The following PTPN12 variants were observed in gnomAD, a reference collection of about 807,000 sequenced individuals.
PTPN12 encodes the protein tyrosine-protein phosphatase non-receptor type 12.
PTPN12 carries 29 observed loss-of-function variants against 97.6 expected under a neutral mutation model. The observed-to-expected ratio is 0.30, with a 90% CI of 0.22 to 0.41. The LOEUF is 0.41. Ranked by LOEUF, PTPN12 falls within the 10% of genes least tolerant of loss-of-function variation. PTPN12 has a pLI of 1.00. For synonymous variants in PTPN12, 327 were observed against 300.4 expected (o/e 1.09, Z -0.91); for missense variants, 819 against 926.0 (o/e 0.88, Z 1.50).
chr7:77,591,296 G>A (rs1562733623), intron 5 of PTPN12, among the ~76,000 whole-genome samples: 3 of 152,154 alleles, frequency 2.0e-5, no homozygotes, highest in African/African-American at 2.4e-5. Flanking sequence ...TGCTTAAAAG[G>A]TTTATTTAAG....
In PTPN12 at chr7:77,581,769, T is replaced by G. The variant is rs374573812; in HGVS notation, c.285+266T>G. Among the ~76,000 whole-genome samples the G allele has an allele frequency of 1.3e-4, 20 of 152,334 alleles. No homozygotes were observed. In the East Asian group the frequency reaches 3.1e-3, roughly 23 times the overall value. ...TTCCCATGGAAGTCTTACCTATTACTAAATTATTTTCTCAGTTATCCCTTT... is the reference window on the plus strand; with the variant it reads ...TTCCCATGGAAGTCTTACCTATTACGAAATTATTTTCTCAGTTATCCCTTT... On this transcript the variant is annotated intron_variant, in intron 3 of 17. Transcript: ENST00000248594.
intron 1 of PTPN12, among the ~76,000 whole-genome samples, chr7:77,553,315 G>C (rs1027256083): frequency 4.6e-5 from 7 of 152,326 alleles, no homozygotes; most frequent in Non-Finnish European, 7.4e-5. Context: ...GTTGATTGAT[G>C]ATGCTGTTAA....
intron 6 of PTPN12, among the ~76,000 whole-genome samples, chr7:77,595,903 G>GT (rs1338917828): frequency 6.6e-6 from 1 of 152,132 alleles, no homozygotes; most frequent in African/African-American, 2.4e-5. Context: ...CTAAATCACA[G>GT]TAAGAGACCT....
chr7:77,632,252 A>T (rs1562765009), intron 13 of PTPN12, 96 bp from the exon 14 acceptor site: 29 of 933,576 alleles, frequency 3.1e-5, no homozygotes, highest in Non-Finnish European at 4.3e-5. Context: ...ACTGATCTAG[A>T]TATTTGTGAC....
chr7:77,542,027 C>G (rs898687661), intron 1 of PTPN12, among the ~76,000 whole-genome samples: 2 of 152,092 alleles, frequency 1.3e-5, no homozygotes, highest in Admixed American at 6.5e-5. Flanking sequence ...TCCACACAGA[C>G]TCCCTCTGAT....
chr7:77,632,592 T>A (rs1789436037), intron 14 of PTPN12, among the ~76,000 whole-genome samples, 167 bp downstream of exon 14: 1 of 152,254 alleles, frequency 6.6e-6, no homozygotes, highest in African/African-American at 2.4e-5. Context: ...GCTTTTAAAT[T>A]ATATTTTTTA....
intron 12 of PTPN12, among the ~76,000 whole-genome samples, chr7:77,623,779 A>C (rs1335343319): frequency 2.0e-5 from 3 of 152,202 alleles, no homozygotes; most frequent in Non-Finnish European, 2.9e-5. Context: ...ACGTAGGGAA[A>C]ATAATACACC....
At chr7:77,546,770 T>TA (rs67411820) in intron 1 of PTPN12, among the ~76,000 whole-genome samples, 2,590 of 152,266 alleles carry the variant, frequency 0.017, 68 homozygotes, top group African/African-American at 0.059. Context: ...TCAGGAAACT[T>TA]ACGATTGTGG....
Position 77,610,615 on chromosome 7 carries a change from C to T in PTPN12, c.763-150C>T, listed in dbSNP as rs1788538722. On this transcript the variant is annotated intron_variant, in intron 9 of 17. Transcript: ENST00000248594. The stretch of plus-strand genomic sequence containing the variant: ...AAGAACAGTTTTGTTTCCACAGTGC[C>T]AAGCACAGTGTCTGAGATGCATTAA... 4.9e-6 allele frequency: 4 copies of T among 824,022 alleles called. No individual in the cohort carries two copies. The South Asian group carries it at 7.3e-5, about 15-fold the overall frequency. 51.0% of individuals were successfully genotyped at this position (824,022 alleles called of 1,614,324 possible).
intron 5 of PTPN12, among the ~76,000 whole-genome samples, chr7:77,589,717 TTAAG>T (rs1787805573): frequency 6.6e-6 from 1 of 152,158 alleles, no homozygotes; most frequent in South Asian, 2.1e-4. Flanking sequence ...TGAGAAATTA[TTAAG>T]TAATCAAGTT....
intron 5 of PTPN12, among the ~76,000 whole-genome samples, chr7:77,589,034 C>T (rs995739452): frequency 6.6e-5 from 10 of 151,884 alleles, no homozygotes; most frequent in African/African-American, 9.7e-5. Flanking sequence ...CACCATGGCT[C>T]AGCTCATTTT....
At chr7:77,611,689 C>T (rs574946505) in intron 11 of PTPN12, among the ~76,000 whole-genome samples, 1 of 152,324 alleles carries the variant, frequency 6.6e-6, no homozygotes, top group East Asian at 1.9e-4. Flanking sequence ...AGGTGGTCTG[C>T]CCGCCTTGGC....
chr7:77,558,574 C>T (rs76776825), intron 1 of PTPN12, among the ~76,000 whole-genome samples: 2,234 of 152,262 alleles, frequency 0.015, 57 homozygotes, highest in African/African-American at 0.05. Context: ...TACCTGTATG[C>T]AGAAAAGAGT....
chr7:77,581,305 C>A (rs1787509263), intron 2 of PTPN12, 122 bp from the exon 3 acceptor site: 1 of 517,236 alleles, frequency 1.9e-6, no homozygotes, highest in Non-Finnish European at 3.4e-6. Flanking sequence ...TACCTAGAGT[C>A]CATTTTCATC....
intron 11 of PTPN12, among the ~76,000 whole-genome samples, chr7:77,611,548 G>T (rs1788569474): frequency 1.3e-5 from 2 of 152,166 alleles, no homozygotes; most frequent in Admixed American, 1.3e-4. Flanking sequence ...AAGTTCAAGT[G>T]ATTTTCCTGC....
chr7:77,573,610 A>G (rs1397018458), intron 2 of PTPN12, among the ~76,000 whole-genome samples: 1 of 152,222 alleles, frequency 6.6e-6, no homozygotes, highest in Non-Finnish European at 1.5e-5. Context: ...AGGGGATGAC[A>G]TGGCTTTCTG....
chr7:77,625,531 CTCTCA>C (rs1789136487), intron 12 of PTPN12, among the ~76,000 whole-genome samples: 1 of 116,720 alleles, frequency 8.6e-6, no homozygotes, highest in Non-Finnish European at 1.7e-5. Flanking sequence ...CTCACTCTCA[CTCTCA>C]CTCGCGCTCT....
intron 2 of PTPN12, among the ~76,000 whole-genome samples, chr7:77,577,845 A>G (rs895805362): frequency 2.0e-5 from 3 of 152,154 alleles, no homozygotes; most frequent in Non-Finnish European, 4.4e-5. Context: ...TTACTACAAG[A>G]TGTAGTACTC....
At chr7:77,550,033 A>G (rs1183521921) in intron 1 of PTPN12, among the ~76,000 whole-genome samples, 1 of 152,194 alleles carries the variant, frequency 6.6e-6, no homozygotes, top group Non-Finnish European at 1.5e-5. Flanking sequence ...TTCATGAATC[A>G]TCTAAAATTT....
Sources: allele counts gnomAD v4.1 joint callset (sites outside exome capture counted in the v4.1 genomes callset), GRCh38; gene constraint gnomAD v4.1.1; transcripts MANE v1.5; gene names NCBI Gene and HGNC (gene_info 2026-07-23, HGNC 2026-07-21).